TBC1D22A: variants seen among roughly 807,000 people sequenced by gnomAD.
TBC1D22A encodes putative GTPase activator.
TBC1D22A carries 38 observed loss-of-function variants against 60.2 expected under a neutral mutation model. The ratio of observed to expected loss-of-function variants is 0.63; its 90% CI spans 0.49 to 0.83. TBC1D22A has a LOEUF of 0.83. Among genes scored for constraint, TBC1D22A ranks in the 40% least tolerant of loss-of-function variants. The probability of loss-of-function intolerance (pLI) is 0.00; values close to 1 mark genes in which losing one functional copy is unlikely to be tolerated. For missense variants in TBC1D22A, 628 were observed against 701.0 expected (o/e 0.90, Z 1.18); for synonymous variants, 302 against 281.7 (o/e 1.07, Z -0.72).
chr22:46,809,602 T>C (rs1261054079), intron 4 of TBC1D22A, among the ~76,000 whole-genome samples: 1 of 151,156 alleles, frequency 6.6e-6, no homozygotes, highest in Admixed American at 6.6e-5. Context: ...GTCAGGGCAG[T>C]ATGGGAAACA....
At chr22:47,131,940 A>T (rs149233292) in intron 12 of TBC1D22A, among the ~76,000 whole-genome samples, 87 of 152,284 alleles carry the variant, frequency 5.7e-4, no homozygotes, top group African/African-American at 2.1e-3. Context: ...AGCACCTCCC[A>T]AACTCTCTGT....
At chr22:46,856,186 G>GGC (rs2087561224) in intron 4 of TBC1D22A, among the ~76,000 whole-genome samples, 1 of 152,218 alleles carries the variant, frequency 6.6e-6, no homozygotes. Flanking sequence ...GGCCCTACCC[G>GGC]AAGTGTGGAT....
At chr22:47,132,034 G>C (rs571811831) in intron 12 of TBC1D22A, among the ~76,000 whole-genome samples, 1 of 152,328 alleles carries the variant, frequency 6.6e-6, no homozygotes, top group South Asian at 2.1e-4. Context: ...CATGGCAAGG[G>C]TGCAGTGTGC....
chr22:47,174,401 C>T lies in TBC1D22A; in HGVS notation c.*775C>T, dbSNP rs1048878301. 7 of 152,306 alleles carry T rather than the reference C, an allele frequency of 4.6e-5. No individual in the cohort carries two copies. Among genetic ancestry groups the T allele is most frequent in the African/African-American group, 1.7e-4 (7 of 41,466 alleles). 9.4% of individuals were successfully genotyped at this position (152,306 alleles called of 1,614,324 possible). A position where few individuals can be genotyped will look rare whatever the true frequency, so the allele number is the denominator to read the frequency against. On this transcript the variant is annotated 3_prime_UTR_variant, in exon 13 of 13. Coordinates refer to ENST00000337137, the MANE Select transcript of TBC1D22A (RefSeq NM_014346.5). ...CCGCCACGCAGGTAGGCGCCGGCCTCAGCCAGAGCCCCTGGAGGCCCACCC... is the reference window on the plus strand; with the variant it reads ...CCGCCACGCAGGTAGGCGCCGGCCTTAGCCAGAGCCCCTGGAGGCCCACCC...
intron 4 of TBC1D22A, among the ~76,000 whole-genome samples, chr22:46,829,097 C>T (rs1286534257): frequency 6.6e-6 from 1 of 152,200 alleles, no homozygotes; most frequent in Non-Finnish European, 1.5e-5. Context: ...GGTTTCCCTG[C>T]TTCGCTTCTG....
chr22:46,972,330 A>G (rs888199204), intron 8 of TBC1D22A, among the ~76,000 whole-genome samples: 16 of 152,196 alleles, frequency 1.1e-4, no homozygotes, highest in African/African-American at 3.9e-4. Flanking sequence ...CCTGGTGTAT[A>G]GGGACAGATC....
At position 46,774,303 on chromosome 22, in the gene TBC1D22A, C is replaced by A. The variant is rs969768373; in HGVS notation, c.62+11455C>A. ...GACAAGAGGCAGAGGTATCAGGAGG[C>A]CCAGAGGGAACAGGGCTGCCTGGGC... On this transcript the variant is annotated intron_variant, in intron 1 of 12. Transcript: ENST00000337137. 18 of 975,318 alleles carry A rather than the reference C, an allele frequency of 1.8e-5. 1 individual carries two copies. Among genetic ancestry groups the A allele is most frequent in the Non-Finnish European group, 1.2e-6 (1 of 820,608 alleles). 60.4% of individuals were successfully genotyped at this position (975,318 alleles called of 1,614,324 possible).
At chr22:46,909,326 T>A (rs1249965516) in intron 7 of TBC1D22A, among the ~76,000 whole-genome samples, 3 of 139,428 alleles carry the variant, frequency 2.2e-5, no homozygotes, top group African/African-American at 7.9e-5. Context: ...ACACACTCAC[T>A]CACTCACACC....
At chr22:47,139,748 G>T (rs549304429) in intron 12 of TBC1D22A, among the ~76,000 whole-genome samples, 4 of 152,232 alleles carry the variant, frequency 2.6e-5, no homozygotes, top group African/African-American at 4.8e-5. Context: ...GCTGAGCTGC[G>T]CTCGCTAAGA....
chr22:47,111,271 G>C (rs939256165), intron 11 of TBC1D22A, among the ~76,000 whole-genome samples: 2 of 152,248 alleles, frequency 1.3e-5, no homozygotes, highest in African/African-American at 2.4e-5. Context: ...GCTGTCTGAA[G>C]CTTGGTCTGC....
At chr22:46,807,029 C>T (rs957069444) in intron 4 of TBC1D22A, among the ~76,000 whole-genome samples, 3 of 152,238 alleles carry the variant, frequency 2.0e-5, no homozygotes, top group Admixed American at 2.0e-4. Flanking sequence ...AGAGGATTGG[C>T]AGGTTCTGTG....
intron 4 of TBC1D22A, among the ~76,000 whole-genome samples, chr22:46,820,128 C>T (rs895514605): frequency 6.6e-6 from 1 of 152,160 alleles, no homozygotes; most frequent in South Asian, 2.1e-4. Flanking sequence ...TCTTCTCTCC[C>T]TTTTTCTTTA....
chr22:46,798,821 A>G (rs555147787), intron 4 of TBC1D22A, among the ~76,000 whole-genome samples: 2 of 152,368 alleles, frequency 1.3e-5, no homozygotes, highest in Admixed American at 6.5e-5. Flanking sequence ...GGAGCCACGC[A>G]GGAGCCATGC....
rs150854467 is a variant in TBC1D22A at position 47,139,704 on chromosome 22, G to A, written c.1425+28101G>A. ...TAGGAGGAGGCGCGGTGTCCTGGCC[G>A]GGGAGGTTGTGAGTGTCTGCCCAGG... On this transcript the variant is annotated intron_variant, in intron 12 of 12. Coordinates refer to ENST00000337137, the MANE Select transcript of TBC1D22A (RefSeq NM_014346.5). Among the ~76,000 whole-genome samples, 264 of 152,324 alleles carry A rather than the reference G, an allele frequency of 1.7e-3. 1 individual carries two copies. The highest frequency in any genetic ancestry group is 3.4e-3 in the Middle Eastern group (1 of 292).
intron 11 of TBC1D22A, among the ~76,000 whole-genome samples, chr22:47,081,782 GTGC>G (rs2064476506): frequency 6.6e-6 from 1 of 152,186 alleles, no homozygotes; most frequent in South Asian, 2.1e-4. Flanking sequence ...CTGCAAGACA[GTGC>G]TGAGAGAAAT....
chr22:47,059,660 G>A (rs2063505489), intron 11 of TBC1D22A, among the ~76,000 whole-genome samples: 2 of 152,158 alleles, frequency 1.3e-5, no homozygotes, highest in African/African-American at 2.4e-5. Flanking sequence ...AAGTGTGTAA[G>A]CCTCAAAGGT....
At chr22:47,026,869 A>G (rs2062274936) in intron 10 of TBC1D22A, among the ~76,000 whole-genome samples, 1 of 152,246 alleles carries the variant, frequency 6.6e-6, no homozygotes, top group Non-Finnish European at 1.5e-5. Context: ...GCTTTTCTAT[A>G]GAAATTGACA....
intron 12 of TBC1D22A, among the ~76,000 whole-genome samples, chr22:47,128,920 A>C (rs2066589468): frequency 1.3e-5 from 2 of 152,372 alleles, no homozygotes; most frequent in Middle Eastern, 3.4e-3. Flanking sequence ...GACCGTCAGC[A>C]GAGTGAAGAG....
chr22:46,768,833 C>T (rs2083385897), intron 1 of TBC1D22A, among the ~76,000 whole-genome samples: 1 of 152,070 alleles, frequency 6.6e-6, no homozygotes, highest in African/African-American at 2.4e-5. Context: ...CTGGCTCATG[C>T]CTGTCATCTC....
Sources: gnomAD v4.1 joint callset for allele counts (sites outside exome capture counted in the v4.1 genomes callset) on GRCh38, gnomAD v4.1.1 for gene constraint, MANE v1.5 for transcripts, NCBI Gene and HGNC (gene_info 2026-07-23, HGNC 2026-07-21) for gene names.